The following ARHGEF2 variants were observed in gnomAD, a reference collection of about 807,000 sequenced individuals.
ARHGEF2 encodes the protein Rho/Rac guanine nucleotide exchange factor 2, also known as rho guanine nucleotide exchange factor 2.
In ARHGEF2, 22 loss-of-function variants were observed where a neutral mutation model predicts 121.0. The ratio of observed to expected loss-of-function variants is 0.18; its 90% CI spans 0.13 to 0.26. The LOEUF is 0.26. ARHGEF2 is among the 10% of genes least tolerant of loss of function. The probability of loss-of-function intolerance (pLI) is 1.00; values close to 1 mark genes in which losing one functional copy is unlikely to be tolerated. For missense variants in ARHGEF2, 907 were observed against 1,336.0 expected, an observed-to-expected ratio of 0.68 and a Z score of 5.01; for synonymous variants, 487 against 530.0, an observed-to-expected ratio of 0.92 and a Z score of 1.11.
At position 155,962,237 on chromosome 1, in the gene ARHGEF2, G is replaced by A. The variant is rs377758517; in HGVS notation, c.1102-15C>T. 45 of 1,611,798 alleles carry A rather than the reference G, an allele frequency of 2.8e-5. No individual in the cohort carries two copies. The African/African-American group carries it at 5.2e-4, about 19-fold the overall frequency. On this transcript the variant is annotated splice_polypyrimidine_tract_variant and intron_variant, in intron 9 of 21. Coordinates refer to ENST00000361247, the MANE Select transcript of ARHGEF2 (RefSeq NM_001162383.2). This position sits in a 1 kb window ranked among gnomAD's most constrained non-coding sequence, Gnocchi z 5.8. ...CGGGTCACTTTCTACAAGGGAGGAG[G>A]CAGGGCTCAGGGCCAGAGGGGAGGG...
Position 155,965,572 on chromosome 1 carries a change from C to T in ARHGEF2, c.470+59G>A. The stretch of plus-strand genomic sequence containing the variant: ...AGGGATGGAAAGGGACCTCTCAGCA[C>T]CCCCTTGGCCTCCACTGCCACACTC... On this transcript the variant is annotated intron_variant, in intron 5 of 21. Coordinates refer to ENST00000361247, the MANE Select transcript of ARHGEF2 (RefSeq NM_001162383.2). The surrounding 1 kb of genome is among the most constrained non-coding windows in gnomAD (Gnocchi z 6.0). 1.2e-6 allele frequency: 2 copies of T among 1,609,534 alleles called. No individual in the cohort carries two copies. The highest frequency in any genetic ancestry group is 1.7e-6 in the Non-Finnish European group (2 of 1,178,974).
At position 155,965,501 on chromosome 1, in the gene ARHGEF2, G is replaced by A. The variant is rs530211675; in HGVS notation, c.471-89C>T. ...GAACCAAAGCCAGGATCCAAGAGGC[G>A]GTCCCCCTAAGTTCTCCTTATTTGT... is the stretch of plus-strand genomic sequence containing the variant. On this transcript the variant is annotated intron_variant, in intron 5 of 21. Transcript: ENST00000361247. The surrounding 1 kb of genome is among the most constrained non-coding windows in gnomAD (Gnocchi z 6.0). 539 of 1,598,224 alleles carry A rather than the reference G, an allele frequency of 3.4e-4. No individual in the cohort carries two copies. The highest frequency in any genetic ancestry group is 4.4e-4 in the Non-Finnish European group (518 of 1,166,634).
intron 1 of ARHGEF2, chr1:155,969,951 A>C: frequency 2.0e-6 from 2 of 985,392 alleles, no homozygotes; most frequent in Non-Finnish European, 2.4e-6. Context: ...TCTGGGAGGC[A>C]GCATGTCCCC....
intron 1 of ARHGEF2, chr1:155,977,997 G>A (rs1681619862): frequency 1.2e-6 from 1 of 811,504 alleles, no homozygotes; most frequent in African/African-American, 1.8e-5. Flanking sequence ...CGGGGTGAGA[G>A]GAGGTGCCGG....
upstream of ARHGEF2, chr1:155,979,009 A>G (rs1681861066): frequency 6.1e-6 from 6 of 985,604 alleles, no homozygotes; most frequent in Non-Finnish European, 7.2e-6. Context: ...GGGTCCCATC[A>G]AAGCAGGCCT....
intron 1 of ARHGEF2, among the ~76,000 whole-genome samples, chr1:155,975,018 G>C (rs912311770): frequency 1.7e-5 from 2 of 120,340 alleles, no homozygotes; most frequent in African/African-American, 6.3e-5. Flanking sequence ...AAACAAACCC[G>C]GAAGGGTCCA....
At chr1:155,948,057 C>T (rs1327727971) in intron 21 of ARHGEF2, 42 bp from the exon 22 acceptor site, 1 of 1,508,102 alleles carries the variant, frequency 6.6e-7, no homozygotes, top group Admixed American at 2.0e-5. Context: ...AGCAGAGACT[C>T]CCATGAGGAA....
At chr1:155,958,428 G>A (rs777962821) in intron 11 of ARHGEF2, 32 bp from the exon 12 acceptor site, 1 of 1,570,126 alleles carries the variant, frequency 6.4e-7, no homozygotes, top group African/African-American at 1.4e-5. Context: ...AGAACAGTCA[G>A]CACTAGACGG....
At position 155,951,520 on chromosome 1, in the gene ARHGEF2, C is replaced by T. The variant is rs914703970; in HGVS notation, c.2222G>A (p.Arg741Gln). The change falls in exon 19 of 22, where the codon CGA becomes CAA. Residue 741 changes from arginine to glutamine, a missense_variant. By Grantham distance (43) the Arg-to-Gln change is conservative. Coordinates refer to ENST00000361247, the MANE Select transcript of ARHGEF2 (RefSeq NM_001162383.2). This position sits in a 1 kb window ranked among gnomAD's most constrained non-coding sequence, Gnocchi z 5.1. ...TAGAAGTCCATAGAGATTGACCAAT[C>T]GCTGTAACGCCTCCTGAGGACAGAC... The part of the protein sequence containing the change: ...LRSPQEEALQ[R>Q]LVNLYGLLHG... 4.3e-6 allele frequency: 7 copies of T among 1,614,052 alleles called. No individual in the cohort carries two copies. Among genetic ancestry groups the T allele is most frequent in the Non-Finnish European group, 5.9e-6 (7 of 1,180,024 alleles).
intron 15 of ARHGEF2, 97 bp downstream of exon 15, chr1:155,952,531 C>T (rs1270017855): frequency 8.7e-6 from 12 of 1,384,678 alleles, no homozygotes; most frequent in Non-Finnish European, 1.1e-5. Flanking sequence ...ATAGGGTTGG[C>T]ATCCCACTTG....
rs1264619948 is a variant in ARHGEF2, at chr1:155,950,622, CCT to C, written c.2704-142_2704-141del. ...CTTCAGGAGATCCACCACCAACTGGCCTCTTTCAGCACCACGACCCGAGTTAA... is the reference window on the plus strand; with the variant it reads ...CTTCAGGAGATCCACCACCAACTGGCCTTTCAGCACCACGACCCGAGTTAA... On this transcript the variant is annotated intron_variant, in intron 20 of 21. Coordinates refer to ENST00000361247, the MANE Select transcript of ARHGEF2 (RefSeq NM_001162383.2). This position sits in a 1 kb window ranked among gnomAD's most constrained non-coding sequence, Gnocchi z 5.2. The C allele has an allele frequency of 5.9e-6, 6 of 1,009,106 alleles. No homozygotes were observed. The highest frequency in any genetic ancestry group is 8.8e-6 in the Non-Finnish European group (6 of 685,298). 62.5% of individuals were successfully genotyped at this position (1,009,106 alleles called of 1,614,324 possible).
intron 4 of ARHGEF2, 50 bp downstream of exon 4, chr1:155,966,366 G>T: frequency 6.3e-7 from 1 of 1,588,108 alleles, no homozygotes; most frequent in Non-Finnish European, 8.6e-7. Flanking sequence ...GGGTTGAGCA[G>T]CCTGGGGTCC....
At chr1:155,960,432 C>A (rs1677646614) in intron 11 of ARHGEF2, among the ~76,000 whole-genome samples, 1 of 150,870 alleles carries the variant, frequency 6.6e-6, no homozygotes, top group Non-Finnish European at 1.5e-5. Flanking sequence ...TGCACCACTG[C>A]ACCCCAGCCT....
chr1:155,964,167 A>AAAAATAT (rs1553244640), intron 7 of ARHGEF2, among the ~76,000 whole-genome samples: 4 of 91,216 alleles, frequency 4.4e-5, no homozygotes, highest in African/African-American at 2.4e-4. Flanking sequence ...AAAAAAAAAA[A>AAAAATAT]ATATATATAT....
chr1:155,952,382 G>T, intron 15 of ARHGEF2, 147 bp from the exon 16 acceptor site: 1 of 1,238,296 alleles, frequency 8.1e-7, no homozygotes, highest in Non-Finnish European at 1.1e-6. Context: ...CCACTGATGA[G>T]GTAAAGGGCA....
At position 155,965,428 on chromosome 1, in the gene ARHGEF2, G is replaced by A; in HGVS notation, c.471-16C>T. 2 of 1,611,558 alleles carry A rather than the reference G, an allele frequency of 1.2e-6. No homozygotes were observed. The highest frequency in any genetic ancestry group is 8.5e-7 in the Non-Finnish European group (1 of 1,177,682). On this transcript the variant is annotated splice_polypyrimidine_tract_variant and intron_variant, in intron 5 of 21. Coordinates refer to ENST00000361247, the MANE Select transcript of ARHGEF2 (RefSeq NM_001162383.2). This position sits in a 1 kb window ranked among gnomAD's most constrained non-coding sequence, Gnocchi z 6.0. Reference sequence around the variant, plus strand: ...ATTGAAATGTCTGAAGAAAGTGGAGGCTGTCTGCATCACCCCCAGTCGGGC... The same window carrying A: ...ATTGAAATGTCTGAAGAAAGTGGAGACTGTCTGCATCACCCCCAGTCGGGC...
intron 1 of ARHGEF2, among the ~76,000 whole-genome samples, chr1:155,976,721 C>A (rs1031837327): frequency 6.6e-6 from 1 of 151,346 alleles, no homozygotes; most frequent in African/African-American, 2.4e-5. Flanking sequence ...TCCCCCGCCC[C>A]CCTTGGCTCT....
Position 155,950,280 on chromosome 1 carries a change from G to A in ARHGEF2, c.2887+19C>T. 1 of 1,609,768 alleles carries A rather than the reference G, an allele frequency of 6.2e-7. No individual in the cohort carries two copies. The highest frequency in any genetic ancestry group is 8.5e-7 in the Non-Finnish European group (1 of 1,179,702). ...AGGCTGCACTCTACCTCTGGTCCAT[G>A]TCTCCGCCAGGGTCTCACCTCGTGG... On this transcript the variant is annotated intron_variant, in intron 21 of 21. Coordinates refer to ENST00000361247, the MANE Select transcript of ARHGEF2 (RefSeq NM_001162383.2). This position sits in a 1 kb window ranked among gnomAD's most constrained non-coding sequence, Gnocchi z 5.2.
At position 155,965,902 on chromosome 1, in the gene ARHGEF2, T is replaced by C; in HGVS notation, c.341-142A>G. On this transcript the variant is annotated intron_variant, in intron 4 of 21. Transcript: ENST00000361247. This position sits in a 1 kb window ranked among gnomAD's most constrained non-coding sequence, Gnocchi z 6.0. ...TAGTCAAGAAAGATGGTAATGAGAA[T>C]GCCACCTTACATTTGTGCCATACTC... 2 of 1,056,618 alleles carry C rather than the reference T, an allele frequency of 1.9e-6. No homozygotes were observed. The highest frequency in any genetic ancestry group is 1.9e-5 in the South Asian group (1 of 52,872). 65.5% of individuals were successfully genotyped at this position (1,056,618 alleles called of 1,614,324 possible).
Sources: allele counts gnomAD v4.1 joint callset (sites outside exome capture counted in the v4.1 genomes callset), GRCh38; gene constraint gnomAD v4.1.1; non-coding constraint Gnocchi (gnomAD v3.1); transcripts MANE v1.5; gene names NCBI Gene and HGNC (gene_info 2026-07-23, HGNC 2026-07-21).